Variants in PRUNE2 observed in about 807,000 individuals in gnomAD.
The protein encoded by PRUNE2 is prune homolog 2 with BCH domain.
In PRUNE2, 164 loss-of-function variants were observed where a neutral mutation model predicts 252.0. That is an observed-to-expected ratio of 0.65 (90% CI 0.57 to 0.74). PRUNE2 has a LOEUF of 0.74. PRUNE2 is among the 30% of genes least tolerant of loss of function. The probability of loss-of-function intolerance (pLI) is 0.00; values close to 1 mark genes in which losing one functional copy is unlikely to be tolerated. For missense variants in PRUNE2, 3,495 were observed against 3,711.0 expected, an observed-to-expected ratio of 0.94 and a Z score of 1.51; for synonymous variants, 1,292 against 1,350.2, an observed-to-expected ratio of 0.96 and a Z score of 0.94.
At position 76,630,262 on chromosome 9, in the gene PRUNE2, GTT is replaced by G. The variant is rs11303005; in HGVS notation, c.9051-974_9051-973del. On this transcript the variant is annotated intron_variant, in intron 15 of 18. Transcript: ENST00000376718. Reference sequence around the variant, plus strand: ...TTTTTAGTTTATTTTAAAAATTTTTGTTTTTTTTTTTTTAAAGTTTTAGGTTG... The same window carrying G: ...TTTTTAGTTTATTTTAAAAATTTTTGTTTTTTTTTTTAAAGTTTTAGGTTG... Among the ~76,000 whole-genome samples the G allele has an allele frequency of 7.6e-3, 1,027 of 134,586 alleles. 19 individuals carry two copies. The highest frequency in any genetic ancestry group is 0.025 in the African/African-American group (948 of 37,240). 88.3% of individuals were successfully genotyped at this position (134,586 alleles called of 152,430 possible).
rs528218867 is a variant in PRUNE2, at chr9:76,831,744, C to T, written c.509-5012G>A. On this transcript the variant is annotated intron_variant, in intron 4 of 18. Coordinates refer to ENST00000376718, the MANE Select transcript of PRUNE2 (RefSeq NM_015225.3). ...TGTGTGACAAGTAGGAAACAAACAT[C>T]AAAATAATAAATTTAAACCAGATGT... Among the ~76,000 whole-genome samples the T allele has an allele frequency of 2.6e-5, 4 of 151,998 alleles. No homozygotes were observed. The East Asian group carries it at 7.7e-4, about 29-fold the overall frequency.
chr9:76,652,326 C>T, intron 11 of PRUNE2, 157 bp downstream of exon 11: 2 of 628,014 alleles, frequency 3.2e-6, no homozygotes, highest in Non-Finnish European at 5.6e-6. Flanking sequence ...CTCTGTCAGG[C>T]TCCAAACTGT....
At chr9:76,618,850 C>G (rs1476293052) in intron 18 of PRUNE2, among the ~76,000 whole-genome samples, 1 of 152,200 alleles carries the variant, frequency 6.6e-6, no homozygotes, top group Non-Finnish European at 1.5e-5. Context: ...GAACTCACTA[C>G]ATGTCCAATT....
intron 9 of PRUNE2, among the ~76,000 whole-genome samples, chr9:76,696,782 G>C (rs2045429003): frequency 6.6e-6 from 1 of 152,348 alleles, no homozygotes; most frequent in East Asian, 1.9e-4. Context: ...GAAGAGGCGG[G>C]AGTGCCTCCC....
At chr9:76,832,789 C>T (rs1440954989) in intron 4 of PRUNE2, among the ~76,000 whole-genome samples, 1 of 151,454 alleles carries the variant, frequency 6.6e-6, no homozygotes, top group East Asian at 1.9e-4. Flanking sequence ...GTTTTGAAAA[C>T]AATTCAAGAA....
In PRUNE2 at chr9:76,818,697, C is replaced by T. The variant is rs927913348; in HGVS notation, c.756+4935G>A. On this transcript the variant is annotated intron_variant, in intron 6 of 18. Transcript: ENST00000376718. ...AATGCCAACAGCTGAAAGTCCTCAC[C>T]GTTCCTCATTTAAAGGAAATTGATA... 6.6e-5 allele frequency among the ~76,000 whole-genome samples: 10 copies of T among 152,124 alleles called. No individual in the cohort carries two copies. In the East Asian group the frequency reaches 1.2e-3, roughly 18 times the overall value.
intron 6 of PRUNE2, among the ~76,000 whole-genome samples, chr9:76,794,006 T>A (rs1360883694): frequency 6.6e-6 from 1 of 152,238 alleles, no homozygotes; most frequent in African/African-American, 2.4e-5. Context: ...TCCCTTTGTT[T>A]CTTAACAATG....
chr9:76,625,951 T>G (rs1321185653), intron 16 of PRUNE2, among the ~76,000 whole-genome samples: 1 of 152,206 alleles, frequency 6.6e-6, no homozygotes, highest in Non-Finnish European at 1.5e-5. Context: ...ATGTGCCTTA[T>G]GAAGAAAATA....
At chr9:76,820,961 TG>T (rs1380656901) in intron 6 of PRUNE2, among the ~76,000 whole-genome samples, 1 of 152,182 alleles carries the variant, frequency 6.6e-6, no homozygotes, top group African/African-American at 2.4e-5. Flanking sequence ...ATCTACTATG[TG>T]CCATCACTGT....
At chr9:76,754,448 CT>C (rs2130530641) in intron 6 of PRUNE2, among the ~76,000 whole-genome samples, 1 of 152,286 alleles carries the variant, frequency 6.6e-6, no homozygotes, top group South Asian at 2.1e-4. Flanking sequence ...ATGAACGTCC[CT>C]TTTTATATGG....
At chr9:76,809,242 C>T (rs1474272728) in intron 6 of PRUNE2, among the ~76,000 whole-genome samples, 2 of 152,310 alleles carry the variant, frequency 1.3e-5, no homozygotes, top group Admixed American at 6.5e-5. Context: ...GCCAATCATC[C>T]GTAAGCTTAG....
intron 4 of PRUNE2, among the ~76,000 whole-genome samples, chr9:76,827,372 A>G (rs2058405070): frequency 1.3e-5 from 2 of 152,214 alleles, no homozygotes; most frequent in African/African-American, 4.8e-5. Flanking sequence ...GTAATTTTCC[A>G]GTGTGAAGGA....
chr9:76,706,054 C>T lies in PRUNE2; in HGVS notation c.6220G>A (p.Ala2074Thr). The change falls in exon 8 of 19, where the codon GCT (alanine) becomes ACT (threonine). Residue 2074 changes from alanine (A) to threonine (T), a missense_variant. Coordinates refer to ENST00000376718, the MANE Select transcript of PRUNE2 (RefSeq NM_015225.3). ...GCTTTCAAACTGAAGGGCTTCTTAGCATCTATCCACAAGTCAGGCGCGGCA... is the reference window on the plus strand; with the variant it reads ...GCTTTCAAACTGAAGGGCTTCTTAGTATCTATCCACAAGTCAGGCGCGGCA... ...ASAAPDLWID[A>T]KKPFSLKADG... is the part of the protein sequence containing the mutation. 6.2e-7 allele frequency: 1 copy of T among 1,614,028 alleles called. No homozygotes were observed. Among genetic ancestry groups the T allele is most frequent in the South Asian group, 1.1e-5 (1 of 91,078 alleles).
chr9:76,696,505 A>C (rs1249958027), intron 9 of PRUNE2, among the ~76,000 whole-genome samples: 1 of 152,058 alleles, frequency 6.6e-6, no homozygotes, highest in East Asian at 1.9e-4. Flanking sequence ...GGCTCACTGC[A>C]ACCTCCCCCA....
intron 6 of PRUNE2, among the ~76,000 whole-genome samples, chr9:76,754,452 T>G (rs1230977416): frequency 6.6e-6 from 1 of 152,170 alleles, no homozygotes; most frequent in African/African-American, 2.4e-5. Flanking sequence ...ACGTCCCTTT[T>G]TATATGGGCA....
intron 6 of PRUNE2, among the ~76,000 whole-genome samples, chr9:76,804,973 G>T (rs1005984516): frequency 1.3e-5 from 2 of 152,214 alleles, no homozygotes; most frequent in Non-Finnish European, 2.9e-5. Flanking sequence ...TGTAATTCCA[G>T]CACTTTGGGA....
In PRUNE2 at chr9:76,854,765, TA is replaced by T. The variant is rs551935340; in HGVS notation, c.37-558del. 1.7e-3 allele frequency among the ~76,000 whole-genome samples: 253 copies of T among 152,082 alleles called. 1 individual carries two copies. Among genetic ancestry groups the T allele is most frequent in the Admixed American group, 3.0e-3 (45 of 15,246 alleles). On this transcript the variant is annotated intron_variant, in intron 1 of 18. Coordinates refer to ENST00000376718, the MANE Select transcript of PRUNE2 (RefSeq NM_015225.3). ...TCAGAAAATAAAAATTAATTGTTCT[TA>T]AAAGGTGTATATAGTCAGCCGGGCG...
At position 76,710,344 on chromosome 9, in the gene PRUNE2, T is replaced by G. The variant is rs927751233; in HGVS notation, c.1930A>C (p.Met644Leu). The change falls in exon 8 of 19, where the codon ATG becomes CTG. Residue 644 changes from methionine to leucine, a missense_variant. Transcript: ENST00000376718. ...MTQKATDTGH[M>L]GPPQTHARCS... ...CGTGCATGGGTCTGAGGTGGCCCCA[T>G]GTGACCTGTGTCAGTTGCTTTTTGG... 1.9e-6 allele frequency: 3 copies of G among 1,613,898 alleles called. No individual in the cohort carries two copies. In the African/African-American group the frequency reaches 4.0e-5, roughly 22 times the overall value.
chr9:76,673,215 A>G (rs1282646374), intron 9 of PRUNE2, among the ~76,000 whole-genome samples: 32 of 151,994 alleles, frequency 2.1e-4, no homozygotes, highest in South Asian at 1.2e-3. Flanking sequence ...AAAATGATAA[A>G]GGGGATATCA....
Sources: allele counts gnomAD v4.1 joint callset (sites outside exome capture counted in the v4.1 genomes callset), GRCh38; gene constraint gnomAD v4.1.1; transcripts MANE v1.5; gene names NCBI Gene and HGNC (gene_info 2026-07-23, HGNC 2026-07-21).